The following VCL variants were observed in gnomAD, a reference collection of about 807,000 sequenced individuals.
VCL encodes vinculin, also known as epididymis luminal protein 114.
Under a neutral mutation model 125.7 loss-of-function variants are expected in VCL, and 47 were observed. The observed-to-expected ratio is 0.37, with a 90% CI of 0.30 to 0.48. The LOEUF is 0.48. Among genes scored for constraint, VCL ranks in the 20% least tolerant of loss-of-function variants. VCL has a pLI of 0.99. For synonymous variants in VCL, 458 were observed against 514.6 expected, an observed-to-expected ratio of 0.89 and a Z score of 1.49; for missense variants, 1,069 against 1,455.5, an observed-to-expected ratio of 0.73 and a Z score of 4.32.
chr10:74,107,165 G>A (rs533238642), intron 16 of VCL, 65 bp from the exon 17 acceptor site: 20 of 1,612,970 alleles, frequency 1.2e-5, no homozygotes, highest in Admixed American at 5.0e-5. Flanking sequence ...CAGTTCTGCT[G>A]CTGCACAGAC....
intron 8 of VCL, among the ~76,000 whole-genome samples, chr10:74,085,640 A>C (rs1009198466): frequency 3.3e-5 from 5 of 152,188 alleles, no homozygotes; most frequent in African/African-American, 1.2e-4. Flanking sequence ...CATAGTGATA[A>C]TGAAGTTCTA....
chr10:74,054,513 A>G (rs1841361159), intron 2 of VCL, among the ~76,000 whole-genome samples: 1 of 152,104 alleles, frequency 6.6e-6, no homozygotes, highest in African/African-American at 2.4e-5. Context: ...CTCTTATTGT[A>G]TCTATCACTT....
chr10:74,110,504 G>C, intron 18 of VCL, among the ~76,000 whole-genome samples: 1 of 152,150 alleles, frequency 6.6e-6, no homozygotes, highest in East Asian at 1.9e-4. Flanking sequence ...ATATCTGTTC[G>C]TGTGTCTGTC....
intron 2 of VCL, among the ~76,000 whole-genome samples, chr10:74,048,847 G>A (rs930855385): frequency 6.6e-6 from 1 of 152,182 alleles, no homozygotes; most frequent in Admixed American, 6.5e-5. Flanking sequence ...GAGGTCAGGC[G>A]TGGTGGCTCA....
At position 74,105,240 on chromosome 10, in the gene VCL, C is replaced by A; in HGVS notation, c.2321C>A (p.Ser774Tyr). 6.2e-7 allele frequency: 1 copy of A among 1,614,110 alleles called. No homozygotes were observed. Among genetic ancestry groups the A allele is most frequent in the East Asian group, 2.2e-5 (1 of 44,870 alleles). The change falls in exon 16 of 22, where the codon TCC (serine) becomes TAC (tyrosine). Residue 774 changes from serine (S) to tyrosine (Y), a missense_variant. Ser to Tyr is a moderately radical substitution (Grantham distance 144). This residue lies in a region of VCL where 760 missense variants were observed against 928.9 expected (regional missense o/e 0.82). Transcript: ENST00000211998. ...GTGGCTAAGAGGGAGGTGGAGAATT[C>A]CGAGGATCCCAAGTTCCGTGAGGCT... ...LLVAKREVENSEDPKFREAVK... is the reference protein window; with the variant it reads ...LLVAKREVENYEDPKFREAVK...
intron 1 of VCL, among the ~76,000 whole-genome samples, chr10:74,010,675 C>A (rs1170058098): frequency 6.6e-6 from 1 of 151,828 alleles, no homozygotes; most frequent in African/African-American, 2.4e-5. Context: ...AAAAACAAAA[C>A]CCATCTCTAG....
intron 4 of VCL, among the ~76,000 whole-genome samples, chr10:74,072,310 T>C (rs1841673422): frequency 2.0e-5 from 3 of 152,190 alleles, no homozygotes; most frequent in Admixed American, 1.3e-4. Context: ...ATCATTGTTA[T>C]TCTTAGAACT....
chr10:74,022,986 C>T (rs976369897), intron 1 of VCL, among the ~76,000 whole-genome samples: 1 of 152,092 alleles, frequency 6.6e-6, no homozygotes, highest in Non-Finnish European at 1.5e-5. Flanking sequence ...TTATATATCT[C>T]CCACCTAAAC....
At chr10:74,060,306 A>G (rs999344167) in intron 2 of VCL, among the ~76,000 whole-genome samples, 1 of 151,904 alleles carries the variant, frequency 6.6e-6, no homozygotes, top group Admixed American at 6.6e-5. Context: ...CACTGTCTAG[A>G]AAAAAAATTT....
At chr10:74,111,293 T>G (rs1367462316) in intron 18 of VCL, among the ~76,000 whole-genome samples, 2 of 152,184 alleles carry the variant, frequency 1.3e-5, no homozygotes, top group Non-Finnish European at 2.9e-5. Flanking sequence ...TTTTCCTGCC[T>G]CTTTCCTAGT....
At chr10:74,000,486 C>G (rs1166772575) in intron 1 of VCL, among the ~76,000 whole-genome samples, 2 of 152,220 alleles carry the variant, frequency 1.3e-5, no homozygotes, top group South Asian at 2.1e-4. Flanking sequence ...ACGATCTGGG[C>G]CCACTGCAAC....
Position 74,111,929 on chromosome 10 carries a change from G to T in VCL, c.2766G>T (p.Glu922Asp), listed in dbSNP as rs1036173576. Residue 922 changes from glutamate to aspartate, a missense_variant, in exon 19 of 22, where the codon GAG (glutamate) becomes GAT (aspartate). Physicochemically the swap from Glu to Asp is conservative, Grantham distance 45. Transcript: ENST00000211998. Reference protein sequence around the residue: ...WSSKPGIPAAEVGIGVVAEAD... With the variant: ...WSSKPGIPAADVGIGVVAEAD... ...CAAAGCCGGGCATCCCAGCCGCTGA[G>T]GTGGGTATAGGTGTTGTAGCTGAGG... The T allele has an allele frequency of 8.1e-6, 13 of 1,614,108 alleles. No individual in the cohort carries two copies. The highest frequency in any genetic ancestry group is 1.3e-5 in the African/African-American group (1 of 74,922).
intron 10 of VCL, among the ~76,000 whole-genome samples, chr10:74,093,292 A>G (rs1303023616): frequency 6.6e-6 from 1 of 152,154 alleles, no homozygotes; most frequent in African/African-American, 2.4e-5. Flanking sequence ...GCGAGACTCC[A>G]TCTCAAAACA....
intron 1 of VCL, among the ~76,000 whole-genome samples, chr10:74,003,188 T>G (rs1483908519): frequency 6.6e-6 from 1 of 151,910 alleles, no homozygotes; most frequent in Non-Finnish European, 1.5e-5. Flanking sequence ...TTCTCCTGCC[T>G]CAGCCTCCCA....
intron 2 of VCL, among the ~76,000 whole-genome samples, chr10:74,058,787 G>C (rs1003050916): frequency 4.6e-5 from 7 of 152,156 alleles, no homozygotes; most frequent in African/African-American, 1.4e-4. Flanking sequence ...AGTAGATTGA[G>C]ATTGTTTGGC....
intron 10 of VCL, among the ~76,000 whole-genome samples, chr10:74,093,429 A>G (rs1416995457): frequency 6.6e-6 from 1 of 152,228 alleles, no homozygotes; most frequent in Admixed American, 6.5e-5. Context: ...TGTTTCTTTA[A>G]TAATGAGGAT....
At chr10:74,008,595 C>T (rs1330840181) in intron 1 of VCL, among the ~76,000 whole-genome samples, 3 of 152,182 alleles carry the variant, frequency 2.0e-5, no homozygotes, top group Non-Finnish European at 2.9e-5. Context: ...TTCCCTGAAC[C>T]ATATGGCAAG....
intron 13 of VCL, among the ~76,000 whole-genome samples, chr10:74,099,444 T>C (rs1840017327): frequency 6.6e-6 from 1 of 152,060 alleles, no homozygotes; most frequent in Admixed American, 6.5e-5. Flanking sequence ...TTTCTTTTGC[T>C]CCTACCTATA....
At position 74,100,992 on chromosome 10, in the gene VCL, G is replaced by A; in HGVS notation, c.1917G>A (p.Lys639=). ...CTAACTTTGAAAACCATTCAGGAAAGCTTGGTGCTACGGCCGAGAAGGCGG... is the reference window on the plus strand; with the variant it reads ...CTAACTTTGAAAACCATTCAGGAAAACTTGGTGCTACGGCCGAGAAGGCGG... ...RAANFENHSG[K]LGATAEKAAA... Residue 639 remains lysine, a synonymous_variant, in exon 14 of 22, where the codon AAG becomes AAA. Transcript: ENST00000211998. 6.2e-7 allele frequency: 1 copy of A among 1,614,044 alleles called. No individual in the cohort carries two copies. Among genetic ancestry groups the A allele is most frequent in the Non-Finnish European group, 8.5e-7 (1 of 1,179,988 alleles).
Sources: gnomAD v4.1 joint callset for allele counts (sites outside exome capture counted in the v4.1 genomes callset) on GRCh38, gnomAD v4.1.1 for gene constraint, gnomAD v4.1.1 regional missense constraint, MANE v1.5 for transcripts, NCBI Gene and HGNC (gene_info 2026-07-23, HGNC 2026-07-21) for gene names.